APCDD1L: variants seen among roughly 807,000 people sequenced by gnomAD.
The protein encoded by APCDD1L is APC down-regulated 1 like.
APCDD1L carries 21 observed loss-of-function variants against 24.2 expected under a neutral mutation model. The observed-to-expected ratio is 0.87, with a 90% CI of 0.61 to 1.25. APCDD1L has a LOEUF of 1.25. APCDD1L is among the 50% of genes most tolerant of loss of function. The pLI is 0.00. For missense variants in APCDD1L, 704 were observed against 711.7 expected (o/e 0.99, Z 0.12); for synonymous variants, 321 against 323.6 (o/e 0.99, Z 0.09).
chr20:58,501,408 C>T lies in APCDD1L; in HGVS notation c.49+13251G>A, dbSNP rs561769873. On this transcript the variant is annotated intron_variant, in intron 1 of 3. Transcript: ENST00000371149. ...TGTAAGAAGAGGAAATTTGGACACA[C>T]GGAGAGACACCACTGATGTGTACCC... Among the ~76,000 whole-genome samples the T allele has an allele frequency of 1.4e-3, 219 of 152,204 alleles. 2 individuals are homozygous for T. The highest frequency in any genetic ancestry group is 4.8e-3 in the African/African-American group (198 of 41,520).
chr20:58,463,903 G>GGA (rs1989662734), intron 3 of APCDD1L, among the ~76,000 whole-genome samples: 1 of 130,516 alleles, frequency 7.7e-6, no homozygotes, highest in African/African-American at 2.7e-5. Context: ...TTGGGGGGGG[G>GGA]GGGCGTCACA....
chr20:58,477,729 A>C (rs1038398519), intron 1 of APCDD1L, among the ~76,000 whole-genome samples: 1 of 152,172 alleles, frequency 6.6e-6, no homozygotes, highest in African/African-American at 2.4e-5. Flanking sequence ...TCTTGCCTAC[A>C]ATTATTATTG....
intron 1 of APCDD1L, among the ~76,000 whole-genome samples, chr20:58,505,907 G>A (rs1005899638): frequency 6.6e-6 from 1 of 152,178 alleles, no homozygotes; most frequent in African/African-American, 2.4e-5. Flanking sequence ...ATGGAGGTAG[G>A]AACTGAAGTG....
intron 1 of APCDD1L, among the ~76,000 whole-genome samples, chr20:58,474,583 A>T (rs960663454): frequency 6.6e-6 from 1 of 152,156 alleles, no homozygotes; most frequent in African/African-American, 2.4e-5. Context: ...GCGCACCTGT[A>T]ATCCCAGCTA....
At chr20:58,493,558 T>G (rs755835085) in intron 1 of APCDD1L, among the ~76,000 whole-genome samples, 4 of 152,184 alleles carry the variant, frequency 2.6e-5, no homozygotes, top group Non-Finnish European at 5.9e-5. Context: ...AATAGTGTGC[T>G]CACACCTTAG....
chr20:58,489,782 C>A (rs555752008), intron 1 of APCDD1L, among the ~76,000 whole-genome samples: 1 of 152,130 alleles, frequency 6.6e-6, no homozygotes, highest in South Asian at 2.1e-4. Flanking sequence ...ACTCTGTGAG[C>A]TCTTAGTATG....
chr20:58,464,654 T>G (rs1989674701), intron 3 of APCDD1L, among the ~76,000 whole-genome samples: 1 of 152,242 alleles, frequency 6.6e-6, no homozygotes, highest in Non-Finnish European at 1.5e-5. Context: ...GTTGGCTGAT[T>G]GATTAGCATT....
At chr20:58,500,483 C>G (rs1331591515) in intron 1 of APCDD1L, among the ~76,000 whole-genome samples, 1 of 152,226 alleles carries the variant, frequency 6.6e-6, no homozygotes, top group Non-Finnish European at 1.5e-5. Context: ...CTCTCCATCC[C>G]CAGCCCCAGT....
At chr20:58,471,389 G>C (rs771477538) in intron 1 of APCDD1L, among the ~76,000 whole-genome samples, 3 of 152,250 alleles carry the variant, frequency 2.0e-5, no homozygotes, top group Non-Finnish European at 4.4e-5. Flanking sequence ...GCAGAGGCCC[G>C]GGCCGAGGTG....
chr20:58,507,394 A>G (rs1314368367), intron 1 of APCDD1L, among the ~76,000 whole-genome samples: 1 of 152,186 alleles, frequency 6.6e-6, no homozygotes, highest in Non-Finnish European at 1.5e-5. Flanking sequence ...AGAGGTTGTG[A>G]GGATGAAATG....
Position 58,497,633 on chromosome 20 carries a change from AT to A in APCDD1L, c.49+17025del. 6.6e-6 allele frequency among the ~76,000 whole-genome samples: 1 copy of A among 152,148 alleles called. No homozygotes were observed. Among genetic ancestry groups the A allele is most frequent in the East Asian group, 1.9e-4 (1 of 5,166 alleles). On this transcript the variant is annotated intron_variant, in intron 1 of 3. Coordinates refer to ENST00000371149, the MANE Select transcript of APCDD1L (RefSeq NM_153360.3). This position sits in a 1 kb window ranked among gnomAD's most constrained non-coding sequence, Gnocchi z 4.3. ...TCCCCTTTCTATGAGGATACTAGTCATGCTGGATGAGGGCCCACCTGAATGG... is the reference window on the plus strand; with the variant it reads ...TCCCCTTTCTATGAGGATACTAGTCAGCTGGATGAGGGCCCACCTGAATGG...
At chr20:58,474,951 A>C (rs529529043) in intron 1 of APCDD1L, among the ~76,000 whole-genome samples, 41 of 152,168 alleles carry the variant, frequency 2.7e-4, no homozygotes, top group Non-Finnish European at 5.6e-4. Context: ...CCTATTCTGG[A>C]TATTTCATAA....
At position 58,461,435 on chromosome 20, in the gene APCDD1L, C is replaced by A. The variant is rs747444808; in HGVS notation, c.861G>T (p.Ser287=). ...PLHLGGWWVS[S]GCEVRPAVLF... is the part of the protein sequence containing the mutation. The stretch of plus-strand genomic sequence containing the variant: ...GGACTGCTGGGCGCACCTCGCACCC[C>A]GAGCTGACCCACCAGCCGCCCAGGT... Residue 287 remains serine, a synonymous_variant, in exon 4 of 4, where the codon TCG becomes TCT. Transcript: ENST00000371149. The surrounding 1 kb of genome is among the most constrained non-coding windows in gnomAD (Gnocchi z 6.0). The A allele has an allele frequency of 7.9e-6, 12 of 1,515,350 alleles. No individual in the cohort carries two copies. Among genetic ancestry groups the A allele is most frequent in the Non-Finnish European group, 1.1e-5 (12 of 1,129,236 alleles). The allele number at this position is 1,515,350 out of a possible 1,614,324, so 93.9% of individuals were successfully genotyped here.
At position 58,460,728 on chromosome 20, in the gene APCDD1L, A is replaced by C. The variant is rs759219301; in HGVS notation, c.*62T>G. On this transcript the variant is annotated 3_prime_UTR_variant, in exon 4 of 4. Coordinates refer to ENST00000371149, the MANE Select transcript of APCDD1L (RefSeq NM_153360.3). The surrounding 1 kb of genome is among the most constrained non-coding windows in gnomAD (Gnocchi z 4.2). ...GAATGGTTCCTTCCCTACAGCTGCC[A>C]GGAGGGAGTCTGAAGGGTTGAATGG... The C allele has an allele frequency of 1.3e-5, 19 of 1,481,138 alleles. No individual in the cohort carries two copies. The Admixed American group carries it at 4.3e-4, about 34-fold the overall frequency. 91.7% of individuals were successfully genotyped at this position (1,481,138 alleles called of 1,614,324 possible).
chr20:58,509,669 G>A (rs1361167369), intron 1 of APCDD1L, among the ~76,000 whole-genome samples: 1 of 152,196 alleles, frequency 6.6e-6, no homozygotes, highest in Non-Finnish European at 1.5e-5. Flanking sequence ...AGGGAGAAGT[G>A]AGGGACCAAA....
intron 3 of APCDD1L, among the ~76,000 whole-genome samples, chr20:58,462,838 C>T (rs1989634563): frequency 7.9e-6 from 1 of 126,582 alleles, no homozygotes; most frequent in Non-Finnish European, 1.8e-5. Context: ...AGCGAGACAC[C>T]ATCTCAAAAA....
Position 58,459,238 on chromosome 20 carries a change from C to T in APCDD1L, c.*1552G>A, listed in dbSNP as rs951642763. On this transcript the variant is annotated 3_prime_UTR_variant, in exon 4 of 4. Transcript: ENST00000371149. ...CCCACTGCCATCCCCACCAGGAGCTCCCCCAACCCTGATGTAGTCTGAGAC... is the reference window on the plus strand; with the variant it reads ...CCCACTGCCATCCCCACCAGGAGCTTCCCCAACCCTGATGTAGTCTGAGAC... 3 of 152,228 alleles carry T rather than the reference C, an allele frequency of 2.0e-5. No homozygotes were observed. Among genetic ancestry groups the T allele is most frequent in the African/African-American group, 7.2e-5 (3 of 41,456 alleles). 9.4% of individuals were successfully genotyped at this position (152,228 alleles called of 1,614,324 possible).
In APCDD1L at chr20:58,467,787, T is replaced by A; in HGVS notation, c.189-129A>T. 1 of 968,968 alleles carries A rather than the reference T, an allele frequency of 1.0e-6. No individual in the cohort carries two copies. The highest frequency in any genetic ancestry group is 1.4e-6 in the Non-Finnish European group (1 of 723,802). The allele number at this position is 968,968 out of a possible 1,614,324, so 60.0% of individuals were successfully genotyped here. A position where few individuals can be genotyped will look rare whatever the true frequency, so the allele number is the denominator to read the frequency against. ...AGTCCTCAGCTCAGGCCTGGGCCCC[T>A]CCAGCCTCAGTTCCCCTCACTGCTC... On this transcript the variant is annotated intron_variant, in intron 2 of 3. Coordinates refer to ENST00000371149, the MANE Select transcript of APCDD1L (RefSeq NM_153360.3). The surrounding 1 kb of genome is among the most constrained non-coding windows in gnomAD (Gnocchi z 5.9).
At chr20:58,471,872 C>T (rs1474858639) in intron 1 of APCDD1L, among the ~76,000 whole-genome samples, 1 of 152,190 alleles carries the variant, frequency 6.6e-6, no homozygotes, top group African/African-American at 2.4e-5. Flanking sequence ...CAGCCTGGGG[C>T]TGGAGTGGGT....
Sources: gnomAD v4.1 joint callset for allele counts (sites outside exome capture counted in the v4.1 genomes callset) on GRCh38, gnomAD v4.1.1 for gene constraint, Gnocchi (gnomAD v3.1) non-coding constraint, MANE v1.5 for transcripts, NCBI Gene and HGNC (gene_info 2026-07-23, HGNC 2026-07-21) for gene names.